OPHN1: variants seen among roughly 807,000 people sequenced by gnomAD.
OPHN1 encodes the protein oligophrenin-1.
In OPHN1, 11 loss-of-function variants were observed where a neutral mutation model predicts 60.7. That is an observed-to-expected ratio of 0.18 (90% confidence interval 0.11 to 0.30). The LOEUF is 0.30. Ranked by LOEUF, OPHN1 falls within the 10% of genes least tolerant of loss-of-function variation. The pLI is 1.00. For missense variants in OPHN1, 449 were observed against 611.0 expected, an observed-to-expected ratio of 0.73 and a Z score of 2.80; for synonymous variants, 226 against 222.6, an observed-to-expected ratio of 1.02 and a Z score of -0.14.
In OPHN1 at chrX:68,046,841, T is replaced by G. The variant is rs191367758; in HGVS notation, c.*331A>C. The G allele has an allele frequency of 9.0e-6, 1 of 111,670 alleles. No individual in the cohort carries two copies. Among genetic ancestry groups the G allele is most frequent in the East Asian group, 2.8e-4 (1 of 3,522 alleles). The allele number at this position is 111,670 out of a possible 1,213,427, so 9.2% of individuals were successfully genotyped here. On this transcript the variant is annotated 3_prime_UTR_variant, in exon 25 of 25. Transcript: ENST00000355520. Reference sequence around the variant, plus strand: ...GGAAGCAGGAAGTTCAGGGAAGAGTTGAAAACTGAGCTCCCCTCTTCAACT... The same window carrying G: ...GGAAGCAGGAAGTTCAGGGAAGAGTGGAAAACTGAGCTCCCCTCTTCAACT...
At chrX:68,340,217 G>A (rs1320858889) in intron 2 of OPHN1, among the ~76,000 whole-genome samples, 1 of 111,995 alleles carries the variant, frequency 8.9e-6, no homozygotes, top group East Asian at 2.8e-4. Context: ...ATGGTGATCT[G>A]AAATTCATAT....
At chrX:68,268,300 T>C (rs1393054521) in intron 5 of OPHN1, among the ~76,000 whole-genome samples, 1 of 111,664 alleles carries the variant, frequency 9.0e-6, no homozygotes, top group Non-Finnish European at 1.9e-5. Context: ...AAGAGAATTT[T>C]AGACCAATAT....
chrX:68,226,833 A>C (rs1981696462), intron 6 of OPHN1, among the ~76,000 whole-genome samples: 1 of 111,877 alleles, frequency 8.9e-6, no homozygotes, highest in South Asian at 3.8e-4. Flanking sequence ...TAACGAGCAA[A>C]ATAACCAGCG....
chrX:68,095,269 G>C (rs2077034053), intron 19 of OPHN1, among the ~76,000 whole-genome samples: 3 of 111,487 alleles, frequency 2.7e-5, no homozygotes, highest in Admixed American at 9.5e-5. Context: ...CTCTAGAACA[G>C]GGGTCAGCAA....
At chrX:68,093,899 C>CA (rs1399127712) in intron 19 of OPHN1, among the ~76,000 whole-genome samples, 3 of 110,142 alleles carry the variant, frequency 2.7e-5, no homozygotes, top group African/African-American at 9.9e-5. Context: ...ATTCACAGAG[C>CA]AAAAATTTTT....
At chrX:68,292,611 A>G (rs2078075855) in intron 3 of OPHN1, among the ~76,000 whole-genome samples, 1 of 111,465 alleles carries the variant, frequency 9.0e-6, no homozygotes, top group Non-Finnish European at 1.9e-5. Context: ...ATTTAGAATC[A>G]GCTCCTAGGC....
At chrX:68,187,241 T>C (rs1159088645) in intron 15 of OPHN1, among the ~76,000 whole-genome samples, 2 of 111,993 alleles carry the variant, frequency 1.8e-5, no homozygotes, top group African/African-American at 3.2e-5. Context: ...CCTGGGAATA[T>C]GTTAAGTCAC....
At chrX:68,052,617 A>G (rs755725879) in intron 22 of OPHN1, 27 bp from the exon 23 acceptor site, 1 of 1,195,315 alleles carries the variant, frequency 8.4e-7, no homozygotes, top group Non-Finnish European at 1.1e-6. Context: ...ACCAAGTCCC[A>G]TAAGTTGCTT....
At chrX:68,118,613 A>T (rs1764777526) in intron 16 of OPHN1, among the ~76,000 whole-genome samples, 1 of 111,968 alleles carries the variant, frequency 8.9e-6, no homozygotes, top group Non-Finnish European at 1.9e-5. Context: ...CAATGTGTTT[A>T]AAAAATATAT....
intron 15 of OPHN1, among the ~76,000 whole-genome samples, chrX:68,192,074 A>G (rs1007138045): frequency 2.7e-5 from 3 of 111,914 alleles, no homozygotes; most frequent in Non-Finnish European, 5.6e-5. Flanking sequence ...AAAAAAATCA[A>G]TCAATAGAAA....
intron 2 of OPHN1, among the ~76,000 whole-genome samples, chrX:68,304,813 G>A (rs1161541367): frequency 9.0e-6 from 1 of 111,097 alleles, no homozygotes; most frequent in African/African-American, 3.3e-5. Flanking sequence ...ACTAGAGAAG[G>A]CAGAATGTGG....
intron 4 of OPHN1, among the ~76,000 whole-genome samples, chrX:68,280,178 C>A (rs2078013163): frequency 9.0e-6 from 1 of 111,597 alleles, no homozygotes; most frequent in Admixed American, 9.5e-5. Context: ...ATATTTTAAA[C>A]TAAGAAAATT....
At chrX:68,163,289 T>C (rs966397236) in intron 15 of OPHN1, among the ~76,000 whole-genome samples, 2 of 111,555 alleles carry the variant, frequency 1.8e-5, no homozygotes, top group African/African-American at 6.5e-5. Context: ...TGAATTTTTT[T>C]TTGTTGTTTA....
At chrX:68,076,525 T>C (rs1445880616) in intron 19 of OPHN1, among the ~76,000 whole-genome samples, 1 of 111,703 alleles carries the variant, frequency 9.0e-6, no homozygotes, top group Non-Finnish European at 1.9e-5. Context: ...AGCTGGAGGA[T>C]TCCACCAAAC....
At chrX:68,071,600 C>A (rs1321031516) in intron 20 of OPHN1, 1 of 570,876 alleles carries the variant, frequency 1.8e-6, no homozygotes, top group Non-Finnish European at 3.2e-6. Flanking sequence ...GGACTACTGA[C>A]TTGGCTCCAT....
At position 68,272,232 on chromosome X, in the gene OPHN1, GTCT is replaced by G. The variant is rs1602288863; in HGVS notation, c.384+2503_384+2505del. ...TGGAGACATGACTCATACTAAGTTG[GTCT>G]TCTTTGTAGATATGCAGGTTGGCCT... On this transcript the variant is annotated intron_variant, in intron 5 of 24. Transcript: ENST00000355520. Among the ~76,000 whole-genome samples the G allele has an allele frequency of 7.2e-5, 8 of 111,320 alleles. No individual in the cohort carries two copies. In the South Asian group the frequency reaches 3.1e-3, roughly 43 times the overall value.
At chrX:68,359,358 T>C (rs1372415695) in intron 2 of OPHN1, among the ~76,000 whole-genome samples, 1 of 111,702 alleles carries the variant, frequency 9.0e-6, no homozygotes, top group East Asian at 2.8e-4. Flanking sequence ...TGAACATATG[T>C]GGCTAGAAGA....
intron 10 of OPHN1, among the ~76,000 whole-genome samples, chrX:68,204,228 A>G (rs1293817748): frequency 8.9e-6 from 1 of 112,494 alleles, no homozygotes; most frequent in African/African-American, 3.2e-5. Flanking sequence ...GAAGGGATGA[A>G]GATCTAATAA....
chrX:68,423,909 G>A (rs751042977), intron 2 of OPHN1, among the ~76,000 whole-genome samples: 10 of 111,968 alleles, frequency 8.9e-5, no homozygotes, highest in African/African-American at 3.2e-4. Flanking sequence ...GCTCACGCCT[G>A]TAATTCCAGC....
Sources: allele counts gnomAD v4.1 joint callset (sites outside exome capture counted in the v4.1 genomes callset), GRCh38; gene constraint gnomAD v4.1.1; transcripts MANE v1.5; gene names NCBI Gene and HGNC (gene_info 2026-07-23, HGNC 2026-07-21).